RHBDD1: variants seen among roughly 807,000 people sequenced by gnomAD.
RHBDD1 encodes the protein rhomboid-related protein 4.
RHBDD1 carries 38 observed loss-of-function variants against 36.3 expected under a neutral mutation model. That is an observed-to-expected ratio of 1.05 (90% CI 0.81 to 1.37). RHBDD1 has a LOEUF of 1.37. RHBDD1 is among the 40% of genes most tolerant of loss of function. RHBDD1 has a pLI of 0.00. For synonymous variants in RHBDD1, 151 were observed against 136.5 expected (o/e 1.11, Z -0.74); for missense variants, 393 against 377.6 (o/e 1.04, Z -0.34).
chr2:226,810,117 T>C, the RHBDD1 span, among the ~76,000 whole-genome samples: 1 of 152,210 alleles, frequency 6.6e-6, no homozygotes, highest in East Asian at 1.9e-4. Flanking sequence ...CATATAACTT[T>C]AGACTCTCCA....
At chr2:226,938,210 A>C (rs1950458897) in intron 8 of RHBDD1, among the ~76,000 whole-genome samples, 1 of 152,002 alleles carries the variant, frequency 6.6e-6, no homozygotes, top group African/African-American at 2.4e-5. Flanking sequence ...GGTTTTTTTC[A>C]TAGATTTTTC....
chr2:226,945,210 G>T (rs1293554865), intron 8 of RHBDD1, among the ~76,000 whole-genome samples: 2 of 151,136 alleles, frequency 1.3e-5, no homozygotes, highest in Non-Finnish European at 2.9e-5. Flanking sequence ...TGCAGAATGT[G>T]CAGGTTTGTT....
At chr2:226,956,123 G>A (rs1449602114) in intron 8 of RHBDD1, among the ~76,000 whole-genome samples, 1 of 152,138 alleles carries the variant, frequency 6.6e-6, no homozygotes, top group Admixed American at 6.5e-5. Context: ...TTCAAATTGT[G>A]TGCTATCAAA....
rs1163966785 is a variant in RHBDD1 at position 226,998,010 on chromosome 2, C to G, written c.*2488C>G. 1 of 152,148 alleles carries G rather than the reference C, an allele frequency of 6.6e-6. No individual in the cohort carries two copies. Among genetic ancestry groups the G allele is most frequent in the Non-Finnish European group, 1.5e-5 (1 of 68,012 alleles). 9.4% of individuals were successfully genotyped at this position (152,148 alleles called of 1,614,324 possible). ...TGAGCAAGTGTATTAGACTAATTAT[C>G]TCTAGTAGGGAATAAGCACTTAGAG... On this transcript the variant is annotated 3_prime_UTR_variant, in exon 9 of 9. Transcript: ENST00000392062.
chr2:226,942,413 G>A, intron 8 of RHBDD1: 1 of 177,530 alleles, frequency 5.6e-6, no homozygotes, highest in South Asian at 9.0e-5. Context: ...CTAATTTTTT[G>A]TATTTTTAGT....
chr2:226,907,203 A>G (rs1173950035), intron 6 of RHBDD1, among the ~76,000 whole-genome samples: 1 of 152,224 alleles, frequency 6.6e-6, no homozygotes, highest in East Asian at 1.9e-4. Flanking sequence ...CTTTAAAATA[A>G]TGCATTCTTC....
intron 8 of RHBDD1, among the ~76,000 whole-genome samples, chr2:226,919,420 C>T (rs535474757): frequency 1.3e-5 from 2 of 152,038 alleles, no homozygotes; most frequent in South Asian, 4.1e-4. Flanking sequence ...GGAGAGATTC[C>T]CCAACATTTT....
At position 226,986,766 on chromosome 2, in the gene RHBDD1, G is replaced by A. The variant is rs554061931; in HGVS notation, c.857-8665G>A. Among the ~76,000 whole-genome samples the A allele has an allele frequency of 6.0e-4, 92 of 152,358 alleles. No individual in the cohort carries two copies. In the South Asian group the frequency reaches 0.011, roughly 19 times the overall value. ...ATTAGTTCAACCATTGTGGAAGATA[G>A]TGTGGCGATTCCTCAAGGATCTAGA... On this transcript the variant is annotated intron_variant, in intron 8 of 8. Coordinates refer to ENST00000392062, the MANE Select transcript of RHBDD1 (RefSeq NM_001167608.3).
At chr2:226,848,934 T>C (rs1942509778) in intron 3 of RHBDD1, among the ~76,000 whole-genome samples, 1 of 152,182 alleles carries the variant, frequency 6.6e-6, no homozygotes, top group Non-Finnish European at 1.5e-5. Context: ...ACTAGTAATG[T>C]GGTTGTATGT....
intron 3 of RHBDD1, among the ~76,000 whole-genome samples, chr2:226,841,197 A>G (rs2124967123): frequency 6.6e-6 from 1 of 151,928 alleles, no homozygotes; most frequent in African/African-American, 2.4e-5. Flanking sequence ...CAGTGGTGTG[A>G]TCTTGACTCA....
chr2:226,962,844 A>G (rs1952314857), intron 8 of RHBDD1, among the ~76,000 whole-genome samples: 1 of 152,214 alleles, frequency 6.6e-6, no homozygotes, highest in Admixed American at 6.5e-5. Context: ...GGTACAGAAA[A>G]TTTGAAGATG....
At chr2:226,973,843 A>G (rs753505201) in intron 8 of RHBDD1, among the ~76,000 whole-genome samples, 41 of 152,194 alleles carry the variant, frequency 2.7e-4, no homozygotes, top group Non-Finnish European at 5.4e-4. Context: ...TCCGGAGCCC[A>G]TGAGTAAGGC....
chr2:226,868,852 A>C (rs1182828009), intron 5 of RHBDD1, among the ~76,000 whole-genome samples: 6 of 152,220 alleles, frequency 3.9e-5, no homozygotes, highest in Non-Finnish European at 7.3e-5. Context: ...AGAAAGCCTA[A>C]CAAAATCTTC....
At chr2:226,806,983 C>T in the RHBDD1 span, among the ~76,000 whole-genome samples, 1 of 152,274 alleles carries the variant, frequency 6.6e-6, no homozygotes, top group South Asian at 2.1e-4. Context: ...TTGGTACTAA[C>T]CAAGAATGAT....
intron 8 of RHBDD1, among the ~76,000 whole-genome samples, chr2:226,927,516 A>C (rs1949744849): frequency 6.6e-6 from 1 of 151,990 alleles, no homozygotes; most frequent in South Asian, 2.1e-4. Context: ...TCTGGATTAT[A>C]TATGGTAAAT....
chr2:226,984,741 A>T (rs1425010345), intron 8 of RHBDD1, among the ~76,000 whole-genome samples: 1 of 152,124 alleles, frequency 6.6e-6, no homozygotes, highest in South Asian at 2.1e-4. Context: ...TGGAATACTC[A>T]ATTTATAAGC....
chr2:226,964,900 T>C (rs1390021329), intron 8 of RHBDD1, among the ~76,000 whole-genome samples: 1 of 152,246 alleles, frequency 6.6e-6, no homozygotes, highest in Non-Finnish European at 1.5e-5. Flanking sequence ...GATTTTTCTC[T>C]GAATGAGATG....
chr2:226,921,066 T>G (rs1487420910), intron 8 of RHBDD1, among the ~76,000 whole-genome samples: 1 of 152,126 alleles, frequency 6.6e-6, no homozygotes, highest in Admixed American at 6.5e-5. Context: ...GGTTTTGGGT[T>G]TCTTCATGGT....
intron 8 of RHBDD1, among the ~76,000 whole-genome samples, chr2:226,915,676 A>G (rs1414957065): frequency 6.6e-6 from 1 of 152,210 alleles, no homozygotes. Flanking sequence ...GAGGTGGGGA[A>G]TGACAACAAG....
Sources: gnomAD v4.1 joint callset for allele counts (sites outside exome capture counted in the v4.1 genomes callset) on GRCh38, gnomAD v4.1.1 for gene constraint, MANE v1.5 for transcripts, NCBI Gene and HGNC (gene_info 2026-07-23, HGNC 2026-07-21) for gene names.